STPG2: variants seen among roughly 807,000 people sequenced by gnomAD.
STPG2 encodes sperm-tail PG-rich repeat-containing protein 2.
Under a neutral mutation model 54.2 loss-of-function variants are expected in STPG2, and 56 were observed. The observed-to-expected ratio is 1.03, with a 90% CI of 0.83 to 1.29. The LOEUF is 1.29. Among genes scored for constraint, STPG2 ranks in the 50% most tolerant of loss-of-function variants. The pLI is 0.00. For missense variants in STPG2, 596 were observed against 544.9 expected (o/e 1.09, Z -0.93); for synonymous variants, 200 against 181.8 (o/e 1.10, Z -0.81).
intron 3 of STPG2, among the ~76,000 whole-genome samples, chr4:98,115,808 A>G (rs772983405): frequency 6.6e-6 from 1 of 151,988 alleles, no homozygotes; most frequent in Non-Finnish European, 1.5e-5. Flanking sequence ...GGAGAAACAG[A>G]AGAAAATAAA....
chr4:97,614,041 G>A (rs1209837739), intron 10 of STPG2, among the ~76,000 whole-genome samples: 5 of 152,014 alleles, frequency 3.3e-5, no homozygotes, highest in African/African-American at 4.8e-5. Context: ...TAGTTCAAAT[G>A]AATGTGTATT....
At chr4:97,537,467 C>T (rs192240894) in intron 4 of STPG2, among the ~76,000 whole-genome samples, 2 of 152,196 alleles carry the variant, frequency 1.3e-5, no homozygotes, top group East Asian at 1.9e-4. Flanking sequence ...AGTCTGAGAT[C>T]GAACTGCAAG....
chr4:97,533,191 A>G, intron 4 of STPG2, among the ~76,000 whole-genome samples: 1 of 152,074 alleles, frequency 6.6e-6, no homozygotes, highest in East Asian at 1.9e-4. Flanking sequence ...TACTTAGCAT[A>G]TTTTCTTATA....
intron 8 of STPG2, among the ~76,000 whole-genome samples, chr4:97,928,278 C>T (rs1182797705): frequency 6.6e-6 from 1 of 152,126 alleles, no homozygotes; most frequent in African/African-American, 2.4e-5. Flanking sequence ...TTACTTGCCA[C>T]TCTGGGTTCC....
intron 4 of STPG2, among the ~76,000 whole-genome samples, chr4:97,550,735 T>A (rs1731946423): frequency 6.6e-6 from 1 of 152,194 alleles, no homozygotes; most frequent in Non-Finnish European, 1.5e-5. Context: ...GATGTTCAGA[T>A]GTGTTCAGAG....
intron 4 of STPG2, among the ~76,000 whole-genome samples, chr4:97,445,446 A>G (rs1332951008): frequency 6.6e-6 from 1 of 152,228 alleles, no homozygotes; most frequent in Non-Finnish European, 1.5e-5. Context: ...CATAAGAAGT[A>G]AAAATAAACA....
intron 5 of STPG2, among the ~76,000 whole-genome samples, chr4:98,018,870 T>A (rs944684804): frequency 6.7e-6 from 1 of 148,538 alleles, no homozygotes; most frequent in African/African-American, 2.5e-5. Flanking sequence ...GGGTTGTTTG[T>A]TTTTTTTTTG....
intron 7 of STPG2, among the ~76,000 whole-genome samples, chr4:97,961,831 A>G (rs1733901688): frequency 6.6e-6 from 1 of 152,244 alleles, no homozygotes; most frequent in African/African-American, 2.4e-5. Context: ...TAGAACTACC[A>G]TTTGATCCAG....
At chr4:97,639,310 C>T (rs922257670) in intron 10 of STPG2, among the ~76,000 whole-genome samples, 3 of 145,842 alleles carry the variant, frequency 2.1e-5, no homozygotes, top group Admixed American at 7.1e-5. Flanking sequence ...CACATGGACA[C>T]AGGAAGGGGA....
At chr4:97,858,735 C>A (rs576229272) in intron 8 of STPG2, among the ~76,000 whole-genome samples, 56 of 152,252 alleles carry the variant, frequency 3.7e-4, no homozygotes, top group Non-Finnish European at 2.4e-4. Context: ...TATTTCATTT[C>A]TTTTCATTGC....
intron 10 of STPG2, among the ~76,000 whole-genome samples, chr4:97,698,247 T>C (rs1000840441): frequency 6.6e-6 from 1 of 152,144 alleles, no homozygotes; most frequent in African/African-American, 2.4e-5. Flanking sequence ...GGCAGAACTG[T>C]TGGAGTTTCC....
In STPG2 at chr4:97,778,677, C is replaced by T. The variant is rs575548831; in HGVS notation, c.1204+62096G>A. 6.6e-5 allele frequency among the ~76,000 whole-genome samples: 10 copies of T among 152,292 alleles called. No homozygotes were observed. In the East Asian group the frequency reaches 1.9e-3, roughly 29 times the overall value. On this transcript the variant is annotated intron_variant, in intron 9 of 10. Transcript: ENST00000295268. ...CCCCGAGTAGCCTATCTGGGAGGCA[C>T]CCCCAGTAGGCGCAGACTGACACCT...
chr4:97,908,604 T>C (rs1731545256), intron 8 of STPG2, among the ~76,000 whole-genome samples: 1 of 151,862 alleles, frequency 6.6e-6, no homozygotes, highest in Non-Finnish European at 1.5e-5. Context: ...AGCAAAGACT[T>C]GGAACCAACC....
At chr4:97,825,243 CATT>C (rs1188221519) in intron 9 of STPG2, among the ~76,000 whole-genome samples, 1 of 152,136 alleles carries the variant, frequency 6.6e-6, no homozygotes, top group Non-Finnish European at 1.5e-5. Flanking sequence ...ATTTGCATTG[CATT>C]ATCTGACAAC....
At chr4:98,103,690 C>T (rs1458865789) in intron 5 of STPG2, among the ~76,000 whole-genome samples, 1 of 148,984 alleles carries the variant, frequency 6.7e-6, no homozygotes, top group African/African-American at 2.5e-5. Flanking sequence ...AAAAATATTT[C>T]TATAATCTTT....
At position 97,791,408 on chromosome 4, in the gene STPG2, T is replaced by G. The variant is rs568667776; in HGVS notation, c.1204+49365A>C. ...TACGAGTATGACTATAATCTGTACT[T>G]CATATATGACACTGATGTTACAATT... On this transcript the variant is annotated intron_variant, in intron 9 of 10. Transcript: ENST00000295268. Among the ~76,000 whole-genome samples the G allele has an allele frequency of 4.9e-4, 74 of 152,274 alleles. No individual in the cohort carries two copies. In the South Asian group the frequency reaches 0.015, roughly 30 times the overall value.
intron 5 of STPG2, among the ~76,000 whole-genome samples, chr4:97,988,027 C>CAT (rs2149267335): frequency 4.3e-5 from 1 of 23,056 alleles, no homozygotes; most frequent in East Asian, 8.8e-4. Context: ...GTCTGAATGT[C>CAT]ACACACACAC....
At chr4:97,810,135 G>A (rs1318045736) in intron 9 of STPG2, among the ~76,000 whole-genome samples, 1 of 152,024 alleles carries the variant, frequency 6.6e-6, no homozygotes, top group Non-Finnish European at 1.5e-5. Context: ...TCTTTTTGCT[G>A]CCCATATTTA....
At chr4:97,974,674 G>T (rs967023661) in intron 6 of STPG2, among the ~76,000 whole-genome samples, 3 of 151,866 alleles carry the variant, frequency 2.0e-5, no homozygotes, top group Non-Finnish European at 4.4e-5. Context: ...CCCTGCACAA[G>T]CTCCCTCCTC....
Sources: gnomAD v4.1 joint callset for allele counts (sites outside exome capture counted in the v4.1 genomes callset) on GRCh38, gnomAD v4.1.1 for gene constraint, MANE v1.5 for transcripts, NCBI Gene and HGNC (gene_info 2026-07-23, HGNC 2026-07-21) for gene names.